The following SLC18A1 variants were observed in gnomAD, a reference collection of about 807,000 sequenced individuals.
SLC18A1 encodes solute carrier family 18 member A1.
SLC18A1 carries 69 observed loss-of-function variants against 53.7 expected under a neutral mutation model. That is an observed-to-expected ratio of 1.28 (90% CI 1.06 to 1.57). The LOEUF is 1.57. SLC18A1 is among the 40% of genes most tolerant of loss of function. The probability of loss-of-function intolerance (pLI) is 0.00; values close to 1 mark genes in which losing one functional copy is unlikely to be tolerated. For missense variants in SLC18A1, 932 were observed against 668.1 expected (o/e 1.40, Z -4.35); for synonymous variants, 320 against 248.1 (o/e 1.29, Z -2.72).
chr8:20,150,716 G>C lies in SLC18A1; in HGVS notation c.1044C>G (p.Ser348=), dbSNP rs769034509. ...LGLAFLPASV[S]YLIGTNLFGV... ...CAAAGAGGTTGGTGCCAATGAGGTA[G>C]GACACACTGGCAGGCAAGAAAGCTA... is the stretch of plus-strand genomic sequence containing the variant. Residue 348 remains serine, a synonymous_variant, in exon 11 of 16, where the codon TCC becomes TCG. Coordinates refer to ENST00000276373, the MANE Select transcript of SLC18A1 (RefSeq NM_003053.4). The C allele has an allele frequency of 2.5e-6, 4 of 1,614,164 alleles. No individual in the cohort carries two copies. The East Asian group carries it at 8.9e-5, about 36-fold the overall frequency.
chr8:20,168,932 G>A (rs958784276), intron 8 of SLC18A1, among the ~76,000 whole-genome samples: 1 of 152,172 alleles, frequency 6.6e-6, no homozygotes, highest in Non-Finnish European at 1.5e-5. Context: ...GGTCAGTCAA[G>A]AATCATCAAT....
At chr8:20,158,176 G>T (rs1450239227) in intron 10 of SLC18A1, among the ~76,000 whole-genome samples, 1 of 152,204 alleles carries the variant, frequency 6.6e-6, no homozygotes, top group African/African-American at 2.4e-5. Context: ...CTGTCTCCTA[G>T]ACACTGGTGC....
At chr8:20,181,598 A>C (rs912387142) in intron 1 of SLC18A1, among the ~76,000 whole-genome samples, 2 of 152,154 alleles carry the variant, frequency 1.3e-5, no homozygotes, top group Non-Finnish European at 2.9e-5. Flanking sequence ...AATTTTTAAA[A>C]CCAACATAGA....
intron 15 of SLC18A1, 42 bp from the exon 16 acceptor site, chr8:20,145,918 T>A (rs1361728159): frequency 1.1e-5 from 13 of 1,158,554 alleles, no homozygotes; most frequent in African/African-American, 1.8e-5. Flanking sequence ...CACATTATTA[T>A]CATTTTTTTT....
intron 10 of SLC18A1, among the ~76,000 whole-genome samples, chr8:20,153,117 A>G (rs577058642): frequency 3.3e-4 from 50 of 152,316 alleles, no homozygotes; most frequent in Non-Finnish European, 6.5e-4. Context: ...AAGAAGAAGG[A>G]GGACATAACT....
chr8:20,180,108 T>TGTG (rs2072385613), intron 2 of SLC18A1, among the ~76,000 whole-genome samples: 1 of 146,078 alleles, frequency 6.8e-6, no homozygotes, highest in Non-Finnish European at 1.5e-5. Flanking sequence ...AAGATTATAA[T>TGTG]TGTGTGTGTG....
intron 6 of SLC18A1, among the ~76,000 whole-genome samples, chr8:20,171,789 G>C: frequency 6.6e-6 from 1 of 152,156 alleles, no homozygotes. Context: ...ACAGTAAAAT[G>C]TTGCATGCAA....
At position 20,180,827 on chromosome 8, in the gene SLC18A1, A is replaced by T; in HGVS notation, c.124+14T>A. 6.2e-7 allele frequency: 1 copy of T among 1,613,588 alleles called. No individual in the cohort carries two copies. Among genetic ancestry groups the T allele is most frequent in the South Asian group, 1.1e-5 (1 of 90,988 alleles). ...CAGCAAATTAACCCTCAGCACAAAG[A>T]CCCACAAACGTACCCACCACAGTAA... On this transcript the variant is annotated intron_variant, in intron 2 of 15. Coordinates refer to ENST00000276373, the MANE Select transcript of SLC18A1 (RefSeq NM_003053.4).
At chr8:20,165,143 C>G in intron 8 of SLC18A1, 36 bp from the exon 9 acceptor site, 1 of 1,526,608 alleles carries the variant, frequency 6.6e-7, no homozygotes, top group Non-Finnish European at 9.1e-7. Context: ...TCCATTTGTA[C>G]AGTGCATACA....
rs1209249585 is a variant in SLC18A1, at chr8:20,174,347, G to A, written c.631+14C>T. ...GCCTGCATGTGTGTGTGCATGATGA[G>A]TTGCCAGTGTTACCTGCAACAGATG... On this transcript the variant is annotated intron_variant, in intron 5 of 15. Transcript: ENST00000276373. 6.3e-7 allele frequency: 1 copy of A among 1,592,966 alleles called. No homozygotes were observed. Among genetic ancestry groups the A allele is most frequent in the South Asian group, 1.1e-5 (1 of 90,670 alleles).
In SLC18A1 at chr8:20,179,357, G is replaced by T. The variant is rs764057720; in HGVS notation, c.252C>A (p.Phe84Leu). 9 of 1,614,224 alleles carry T rather than the reference G, an allele frequency of 5.6e-6. No homozygotes were observed. In the South Asian group the frequency reaches 8.8e-5, roughly 16 times the overall value. Residue 84 changes from phenylalanine to leucine, a missense_variant, in exon 3 of 16, where the codon TTC (phenylalanine) becomes TTA (leucine). By Grantham distance (22) the Phe-to-Leu change is conservative. Coordinates refer to ENST00000276373, the MANE Select transcript of SLC18A1 (RefSeq NM_003053.4). ...CAACAGCCACGGTGTTGTTGTTGAA[G>T]AAGGAGAAGATGGTGGAAAAGGCAG... is the stretch of plus-strand genomic sequence containing the variant. ...ASPAFSTIFSFFNNNTVAVEE... is the reference protein window; with the variant it reads ...ASPAFSTIFSLFNNNTVAVEE...
intron 10 of SLC18A1, among the ~76,000 whole-genome samples, chr8:20,153,079 G>T (rs2071598834): frequency 6.6e-6 from 1 of 152,150 alleles, no homozygotes; most frequent in African/African-American, 2.4e-5. Context: ...GGGCTAAAAT[G>T]AAGAAATATA....
At chr8:20,159,464 A>C (rs1207250730) in intron 10 of SLC18A1, among the ~76,000 whole-genome samples, 1 of 152,050 alleles carries the variant, frequency 6.6e-6, no homozygotes, top group Non-Finnish European at 1.5e-5. Flanking sequence ...AATTAGGCTA[A>C]AAGCAGGAGG....
At chr8:20,179,693 C>T (rs1423020583) in intron 2 of SLC18A1, among the ~76,000 whole-genome samples, 1 of 152,196 alleles carries the variant, frequency 6.6e-6, no homozygotes, top group East Asian at 1.9e-4. Context: ...TCTGGAGTGG[C>T]ATGGTTAAAA....
intron 8 of SLC18A1, among the ~76,000 whole-genome samples, chr8:20,169,946 T>G (rs1041999969): frequency 1.3e-5 from 2 of 152,174 alleles, no homozygotes; most frequent in Non-Finnish European, 2.9e-5. Flanking sequence ...TGCTGAGTAA[T>G]TCACCACTGC....
intron 10 of SLC18A1, among the ~76,000 whole-genome samples, chr8:20,154,733 G>A (rs1356551067): frequency 6.6e-6 from 1 of 152,176 alleles, no homozygotes; most frequent in East Asian, 1.9e-4. Context: ...AAATCTCTGA[G>A]GGCAACCCCC....
intron 12 of SLC18A1, 77 bp downstream of exon 12, chr8:20,149,589 CCTCTCTCTCT>C (rs60330468): frequency 2.8e-5 from 22 of 790,146 alleles, no homozygotes; most frequent in South Asian, 1.9e-4. Flanking sequence ...TCTCTCTCTC[CCTCTCTCTCT>C]CTCTCTCTCT....
In SLC18A1 at chr8:20,178,567, T is replaced by C. The variant is rs554411432; in HGVS notation, c.489-74A>G. On this transcript the variant is annotated intron_variant, in intron 3 of 15. Transcript: ENST00000276373. ...CATACATGGACTACATTTTTAAATG[T>C]AAGTGGGAGCAGAAATGCAGCTATT... is the stretch of plus-strand genomic sequence containing the variant. 3.5e-6 allele frequency: 4 copies of C among 1,138,790 alleles called. No homozygotes were observed. In the Admixed American group the frequency reaches 6.7e-5, roughly 19 times the overall value. 70.5% of individuals were successfully genotyped at this position (1,138,790 alleles called of 1,614,324 possible).
At chr8:20,172,043 C>T (rs1489149791) in intron 6 of SLC18A1, among the ~76,000 whole-genome samples, 1 of 152,198 alleles carries the variant, frequency 6.6e-6, no homozygotes, top group Admixed American at 6.5e-5. Flanking sequence ...GGCCTTGCGG[C>T]CTATGGAGAA....
Sources: allele counts gnomAD v4.1 joint callset (sites outside exome capture counted in the v4.1 genomes callset), GRCh38; gene constraint gnomAD v4.1.1; transcripts MANE v1.5; gene names NCBI Gene and HGNC (gene_info 2026-07-23, HGNC 2026-07-21).